The following STXBP5L variants were observed in gnomAD, a reference collection of about 807,000 sequenced individuals.
STXBP5L encodes the protein syntaxin-binding protein 5-like.
STXBP5L carries 65 observed loss-of-function variants against 144.5 expected under a neutral mutation model. The ratio of observed to expected loss-of-function variants is 0.45; its 90% CI spans 0.37 to 0.55. The LOEUF (loss-of-function observed/expected upper bound fraction) is 0.55. Ranked by LOEUF, STXBP5L falls within the 20% of genes least tolerant of loss-of-function variation. STXBP5L has a pLI of 0.00. For missense variants in STXBP5L, 1,298 were observed against 1,405.5 expected (o/e 0.92, Z 1.22); for synonymous variants, 505 against 469.6 (o/e 1.08, Z -0.97).
chr3:121,119,599 G>T (rs2044371665), intron 6 of STXBP5L, among the ~76,000 whole-genome samples: 3 of 151,058 alleles, frequency 2.0e-5, no homozygotes, highest in African/African-American at 7.3e-5. Flanking sequence ...TCTATCTAAA[G>T]AATTTTTTTT....
intron 10 of STXBP5L, among the ~76,000 whole-genome samples, chr3:121,217,239 C>T (rs1266330259): frequency 6.6e-6 from 1 of 152,154 alleles, no homozygotes; most frequent in Non-Finnish European, 1.5e-5. Context: ...TGAAAAGAAA[C>T]TCCTTCAGCT....
intron 5 of STXBP5L, among the ~76,000 whole-genome samples, chr3:121,110,371 T>C (rs1008879389): frequency 3.9e-5 from 6 of 152,174 alleles, no homozygotes; most frequent in African/African-American, 1.4e-4. Flanking sequence ...TGTTTGCTTG[T>C]TTGTTTTCAT....
chr3:121,340,803 A>T (rs549476936), intron 20 of STXBP5L, among the ~76,000 whole-genome samples: 2 of 152,220 alleles, frequency 1.3e-5, no homozygotes, highest in Admixed American at 6.6e-5. Context: ...ACAACTTTTC[A>T]AGTCATAGTA....
chr3:120,988,757 C>T (rs2107938767), intron 3 of STXBP5L, among the ~76,000 whole-genome samples: 1 of 152,084 alleles, frequency 6.6e-6, no homozygotes, highest in South Asian at 2.1e-4. Flanking sequence ...TTTAGTGTAG[C>T]CATCACAAAT....
At chr3:121,171,380 T>G (rs912971781) in intron 9 of STXBP5L, among the ~76,000 whole-genome samples, 5 of 152,054 alleles carry the variant, frequency 3.3e-5, no homozygotes, top group African/African-American at 1.2e-4. Context: ...GAGAAAGAAA[T>G]AAAGGGTATT....
chr3:121,042,431 A>C (rs1256492421), intron 4 of STXBP5L, among the ~76,000 whole-genome samples: 1 of 152,142 alleles, frequency 6.6e-6, no homozygotes, highest in African/African-American at 2.4e-5. Context: ...TTATAGTGGA[A>C]ATTAGAGTCT....
At chr3:121,038,892 A>G (rs1946946900) in intron 3 of STXBP5L, among the ~76,000 whole-genome samples, 1 of 151,952 alleles carries the variant, frequency 6.6e-6, no homozygotes, top group African/African-American at 2.4e-5. Context: ...TTTACTGTAT[A>G]TTAATATATC....
chr3:121,317,001 CTG>C (rs2043809542), intron 19 of STXBP5L, among the ~76,000 whole-genome samples: 1 of 152,190 alleles, frequency 6.6e-6, no homozygotes, highest in Non-Finnish European at 1.5e-5. Context: ...TATAGCAACT[CTG>C]TGGATTAACA....
intron 3 of STXBP5L, among the ~76,000 whole-genome samples, chr3:121,030,079 G>A (rs1015610812): frequency 1.3e-5 from 2 of 152,160 alleles, no homozygotes; most frequent in African/African-American, 2.4e-5. Flanking sequence ...CACTGTTGGT[G>A]GGTGTGTAAA....
At chr3:121,050,201 A>G (rs1947855572) in intron 5 of STXBP5L, among the ~76,000 whole-genome samples, 1 of 151,830 alleles carries the variant, frequency 6.6e-6, no homozygotes, top group Admixed American at 6.6e-5. Context: ...GGTGCTTATT[A>G]CCCACTTCTA....
intron 6 of STXBP5L, among the ~76,000 whole-genome samples, chr3:121,120,045 A>T (rs2044390163): frequency 6.6e-6 from 1 of 151,378 alleles, no homozygotes; most frequent in African/African-American, 2.4e-5. Flanking sequence ...AATTTTGTAA[A>T]GTACTGAAGA....
At chr3:121,082,687 A>G (rs1010174513) in intron 5 of STXBP5L, among the ~76,000 whole-genome samples, 1 of 152,196 alleles carries the variant, frequency 6.6e-6, no homozygotes, top group Non-Finnish European at 1.5e-5. Context: ...GTGTATATAT[A>G]CATTTGTAAT....
At chr3:121,244,651 C>G (rs1179349553) in intron 14 of STXBP5L, among the ~76,000 whole-genome samples, 4 of 151,958 alleles carry the variant, frequency 2.6e-5, no homozygotes, top group Non-Finnish European at 5.9e-5. Flanking sequence ...TGTCGAAAAT[C>G]AAAAACAAAA....
chr3:121,207,088 T>A (rs1451178400), intron 10 of STXBP5L, among the ~76,000 whole-genome samples: 1 of 152,188 alleles, frequency 6.6e-6, no homozygotes, highest in Non-Finnish European at 1.5e-5. Context: ...AACCTGTTAT[T>A]TTATCTATAT....
At chr3:121,240,095 A>G (rs1424321381) in intron 13 of STXBP5L, among the ~76,000 whole-genome samples, 1 of 152,180 alleles carries the variant, frequency 6.6e-6, no homozygotes, top group African/African-American at 2.4e-5. Flanking sequence ...AAGAGACACT[A>G]TTTACATAGC....
At chr3:121,089,921 G>T (rs1326911933) in intron 5 of STXBP5L, among the ~76,000 whole-genome samples, 1 of 151,526 alleles carries the variant, frequency 6.6e-6, no homozygotes, top group East Asian at 1.9e-4. Flanking sequence ...ATTTGTAATT[G>T]GTTCTTTTTA....
rs190258765 is a variant in STXBP5L, at chr3:121,272,642, C to A, written c.1959-7163C>A. On this transcript the variant is annotated intron_variant, in intron 18 of 26. Transcript: ENST00000471454. ...GTAATGATTAGTAGGTACAAATTTA[C>A]AATGCTATTTTTATTTTCTGGTTAT... Among the ~76,000 whole-genome samples the A allele has an allele frequency of 2.0e-5, 3 of 152,226 alleles. No homozygotes were observed. The East Asian group carries it at 5.8e-4, about 29-fold the overall frequency.
chr3:120,937,870 T>C (rs374671732), intron 2 of STXBP5L, among the ~76,000 whole-genome samples: 4 of 152,294 alleles, frequency 2.6e-5, no homozygotes, highest in African/African-American at 9.6e-5. Context: ...CTTCGTAGAC[T>C]CAAATCTGAT....
chr3:121,172,928 C>T (rs1237692577), intron 9 of STXBP5L, among the ~76,000 whole-genome samples: 1 of 152,176 alleles, frequency 6.6e-6, no homozygotes, highest in African/African-American at 2.4e-5. Flanking sequence ...TTGGAACCAA[C>T]CCAAATGTCC....
Sources: allele counts gnomAD v4.1 joint callset (sites outside exome capture counted in the v4.1 genomes callset), GRCh38; gene constraint gnomAD v4.1.1; transcripts MANE v1.5; gene names NCBI Gene and HGNC (gene_info 2026-07-23, HGNC 2026-07-21).